Variants in SNTB1 observed in about 807,000 individuals in gnomAD.
The protein encoded by SNTB1 is beta-1-syntrophin.
Under a neutral mutation model 48.9 loss-of-function variants are expected in SNTB1, and 36 were observed. The observed-to-expected ratio is 0.74, with a 90% CI of 0.56 to 0.97. The LOEUF (loss-of-function observed/expected upper bound fraction) is 0.97. SNTB1 is among the 50% of genes least tolerant of loss of function. The probability of loss-of-function intolerance (pLI) is 0.00; values close to 1 mark genes in which losing one functional copy is unlikely to be tolerated. For missense variants in SNTB1, 786 were observed against 703.4 expected (o/e 1.12, Z -1.33); for synonymous variants, 299 against 294.6 (o/e 1.01, Z -0.15).
chr8:120,636,070 A>G (rs551713586), intron 2 of SNTB1: 8 of 619,904 alleles, frequency 1.3e-5, no homozygotes, highest in Middle Eastern at 1.2e-3. Flanking sequence ...TATTATTTTA[A>G]AAAGGAATTT....
chr8:120,736,157 G>A (rs1447222149), intron 1 of SNTB1, among the ~76,000 whole-genome samples: 1 of 152,076 alleles, frequency 6.6e-6, no homozygotes, highest in Non-Finnish European at 1.5e-5. Context: ...AAAACCATCA[G>A]ATCTTATGAG....
At chr8:120,728,500 C>T (rs747898262) in intron 1 of SNTB1, among the ~76,000 whole-genome samples, 92 of 152,200 alleles carry the variant, frequency 6.0e-4, no homozygotes, top group Admixed American at 1.6e-3. Flanking sequence ...CTCCCTCCCA[C>T]GGCTAGTAGT....
At chr8:120,675,452 G>A (rs943632500) in intron 2 of SNTB1, among the ~76,000 whole-genome samples, 9 of 152,150 alleles carry the variant, frequency 5.9e-5, no homozygotes, top group Admixed American at 1.3e-4. Flanking sequence ...ATAATATGCT[G>A]TATGTCCACA....
At chr8:120,617,995 A>G (rs1816742148) in intron 3 of SNTB1, among the ~76,000 whole-genome samples, 1 of 152,192 alleles carries the variant, frequency 6.6e-6, no homozygotes, top group Non-Finnish European at 1.5e-5. Context: ...ATATATATAT[A>G]TATTTAGTGC....
At chr8:120,652,097 G>A (rs1347941545) in intron 2 of SNTB1, among the ~76,000 whole-genome samples, 1 of 152,202 alleles carries the variant, frequency 6.6e-6, no homozygotes, top group Non-Finnish European at 1.5e-5. Context: ...TTAAACAGAA[G>A]AGGAGAAGGA....
rs191106101 is a variant in SNTB1, at chr8:120,634,240, T to C, written c.789-1589A>G. Among the ~76,000 whole-genome samples, 9 of 152,352 alleles carry C rather than the reference T, an allele frequency of 5.9e-5. No individual in the cohort carries two copies. The East Asian group carries it at 1.5e-3, about 26-fold the overall frequency. The stretch of plus-strand genomic sequence containing the variant: ...TTAGAAAGATACAGGGATTCGGAAA[T>C]TCAAAGCTCAATAGAATTATCCATT... On this transcript the variant is annotated intron_variant, in intron 2 of 6. Transcript: ENST00000517992.
chr8:120,770,059 ATATTTT>A (rs1389823429), intron 1 of SNTB1, among the ~76,000 whole-genome samples: 2 of 152,170 alleles, frequency 1.3e-5, no homozygotes, highest in African/African-American at 4.8e-5. Flanking sequence ...ACCAGCCACT[ATATTTT>A]CTGGGAAACA....
chr8:120,677,112 A>T (rs1817850507), intron 2 of SNTB1, among the ~76,000 whole-genome samples: 1 of 152,146 alleles, frequency 6.6e-6, no homozygotes, highest in Non-Finnish European at 1.5e-5. Context: ...AGATTTGTAA[A>T]GGCTGGAAAC....
intron 1 of SNTB1, among the ~76,000 whole-genome samples, chr8:120,724,875 G>T (rs1215174927): frequency 6.6e-6 from 1 of 152,168 alleles, no homozygotes; most frequent in East Asian, 1.9e-4. Flanking sequence ...GTGAACAGGA[G>T]GGAAGTAGGC....
At chr8:120,579,032 C>A (rs928948260) in intron 3 of SNTB1, among the ~76,000 whole-genome samples, 2 of 152,006 alleles carry the variant, frequency 1.3e-5, no homozygotes, top group Non-Finnish European at 2.9e-5. Context: ...CAAAAATTAG[C>A]CAGGTGTGGT....
chr8:120,711,824 A>G (rs185332613), intron 1 of SNTB1, among the ~76,000 whole-genome samples: 1 of 152,326 alleles, frequency 6.6e-6, no homozygotes, highest in East Asian at 1.9e-4. Context: ...ACAAACTTTT[A>G]TCTTTAGAGT....
chr8:120,648,492 G>A (rs1478484889), intron 2 of SNTB1, among the ~76,000 whole-genome samples: 2 of 151,564 alleles, frequency 1.3e-5, no homozygotes, highest in African/African-American at 4.8e-5. Context: ...TTGAATATTG[G>A]CCCCCACTCT....
At chr8:120,798,050 T>C (rs1041142959) in intron 1 of SNTB1, among the ~76,000 whole-genome samples, 44 of 151,834 alleles carry the variant, frequency 2.9e-4, no homozygotes, top group Non-Finnish European at 3.5e-4. Context: ...AAAAGAGAAA[T>C]AAATCCGTAA....
chr8:120,598,066 T>C (rs994991668), intron 3 of SNTB1, among the ~76,000 whole-genome samples: 5 of 152,202 alleles, frequency 3.3e-5, no homozygotes, highest in Non-Finnish European at 7.3e-5. Context: ...TGGCGCTTAT[T>C]CTGCTCACTG....
chr8:120,790,005 C>T (rs959597792), intron 1 of SNTB1, among the ~76,000 whole-genome samples: 3 of 151,940 alleles, frequency 2.0e-5, no homozygotes, highest in African/African-American at 7.2e-5. Flanking sequence ...TTCTAGCCAA[C>T]CAAATCCAAC....
intron 3 of SNTB1, among the ~76,000 whole-genome samples, chr8:120,591,244 T>C (rs1198510329): frequency 6.6e-6 from 1 of 152,224 alleles, no homozygotes; most frequent in Non-Finnish European, 1.5e-5. Context: ...TCTTTTCATA[T>C]TTCACATCTA....
In SNTB1 at chr8:120,599,284, G is replaced by A. The variant is rs528908997; in HGVS notation, c.997-24059C>T. Among the ~76,000 whole-genome samples the A allele has an allele frequency of 3.3e-5, 5 of 152,216 alleles. No individual in the cohort carries two copies. In the South Asian group the frequency reaches 6.2e-4, roughly 19 times the overall value. ...CACATTAAAAGTTAATAAAAATACC[G>A]CACAAATAATTTGTATTAACAGTGA... is the stretch of plus-strand genomic sequence containing the variant. On this transcript the variant is annotated intron_variant, in intron 3 of 6. Coordinates refer to ENST00000517992, the MANE Select transcript of SNTB1 (RefSeq NM_021021.4).
chr8:120,763,362 T>C (rs145457880), intron 1 of SNTB1, among the ~76,000 whole-genome samples: 3 of 152,328 alleles, frequency 2.0e-5, no homozygotes, highest in Non-Finnish European at 2.9e-5. Flanking sequence ...GTTGATTTCA[T>C]TGTTAGACTA....
At chr8:120,574,752 T>G (rs1214254654) in intron 4 of SNTB1, among the ~76,000 whole-genome samples, 1 of 152,180 alleles carries the variant, frequency 6.6e-6, no homozygotes, top group Admixed American at 6.5e-5. Flanking sequence ...TTGGTGATTC[T>G]ACTTGGACTT....
Sources: gnomAD v4.1 joint callset for allele counts (sites outside exome capture counted in the v4.1 genomes callset) on GRCh38, gnomAD v4.1.1 for gene constraint, MANE v1.5 for transcripts, NCBI Gene and HGNC (gene_info 2026-07-23, HGNC 2026-07-21) for gene names.